The following EYS variants were observed in gnomAD, a reference collection of about 807,000 sequenced individuals.
The protein encoded by EYS is protein eyes shut homolog.
In EYS, 250 loss-of-function variants were observed where a neutral mutation model predicts 282.1. The ratio of observed to expected loss-of-function variants is 0.89; its 90% CI spans 0.80 to 0.98. EYS has a LOEUF of 0.98. Among genes scored for constraint, EYS ranks in the 50% least tolerant of loss-of-function variants. The probability of loss-of-function intolerance (pLI) is 0.00; values close to 1 mark genes in which losing one functional copy is unlikely to be tolerated. For synonymous variants in EYS, 1,355 were observed against 1,282.9 expected (o/e 1.06, Z -1.20); for missense variants, 4,016 against 3,709.0 (o/e 1.08, Z -2.15).
At chr6:63,772,854 T>TTG (rs1192277271) in intron 40 of EYS, among the ~76,000 whole-genome samples, 2 of 152,092 alleles carry the variant, frequency 1.3e-5, no homozygotes, top group African/African-American at 2.4e-5. Flanking sequence ...TATTTATAAA[T>TTG]TGTGTGTGTG....
rs539373397 is a variant in EYS, at chr6:65,198,726, T to C, written c.2023+97137A>G. 5.3e-5 allele frequency among the ~76,000 whole-genome samples: 8 copies of C among 152,244 alleles called. 1 individual carries two copies. In the South Asian group the frequency reaches 1.2e-3, roughly 24 times the overall value. ...CTACTCTTTGAAAAATGTATTTTCATGGAAGTGAGTAGCAAGAATGACATT... is the reference window on the plus strand; with the variant it reads ...CTACTCTTTGAAAAATGTATTTTCACGGAAGTGAGTAGCAAGAATGACATT... On this transcript the variant is annotated intron_variant, in intron 12 of 42. Coordinates refer to ENST00000503581, the MANE Select transcript of EYS (RefSeq NM_001142800.2).
At chr6:64,568,207 A>G (rs1197626619) in intron 26 of EYS, among the ~76,000 whole-genome samples, 1 of 152,194 alleles carries the variant, frequency 6.6e-6, no homozygotes, top group Non-Finnish European at 1.5e-5. Flanking sequence ...ACCACCAGAA[A>G]AGAACAGACC....
chr6:63,908,257 A>G (rs1562090710), intron 35 of EYS, among the ~76,000 whole-genome samples: 1 of 151,304 alleles, frequency 6.6e-6, no homozygotes, highest in African/African-American at 2.4e-5. Context: ...TTAAAACCAC[A>G]CGAGATACCA....
chr6:63,739,578 G>A (rs1769019884), intron 41 of EYS, among the ~76,000 whole-genome samples: 1 of 152,128 alleles, frequency 6.6e-6, no homozygotes, highest in African/African-American at 2.4e-5. Flanking sequence ...GAGGAAGTGA[G>A]TACCTCCATT....
At chr6:63,951,492 A>G (rs1262431132) in intron 35 of EYS, among the ~76,000 whole-genome samples, 1 of 151,908 alleles carries the variant, frequency 6.6e-6, no homozygotes, top group African/African-American at 2.4e-5. Flanking sequence ...CTGAACCCCA[A>G]GCATCACTGA....
chr6:65,629,581 CCT>C (rs1024252766), intron 2 of EYS, among the ~76,000 whole-genome samples: 18 of 152,264 alleles, frequency 1.2e-4, no homozygotes, highest in African/African-American at 4.3e-4. Flanking sequence ...TCTTCTTCTC[CCT>C]GTCTCATGAC....
chr6:63,735,845 T>C (rs1768898587), intron 41 of EYS, among the ~76,000 whole-genome samples: 1 of 152,178 alleles, frequency 6.6e-6, no homozygotes, highest in Non-Finnish European at 1.5e-5. Context: ...CTGTTTTCCA[T>C]ATTCTTGACA....
At chr6:64,692,156 A>T (rs1164399310) in intron 22 of EYS, among the ~76,000 whole-genome samples, 1 of 152,180 alleles carries the variant, frequency 6.6e-6, no homozygotes, top group Non-Finnish European at 1.5e-5. Flanking sequence ...TAGCCTCACT[A>T]GCATCTGTTG....
At chr6:64,292,095 C>A (rs910191414) in intron 30 of EYS, among the ~76,000 whole-genome samples, 8 of 152,130 alleles carry the variant, frequency 5.3e-5, no homozygotes, top group African/African-American at 1.9e-4. Context: ...GTAAGCAACA[C>A]AGCTGAACTT....
At chr6:65,172,470 G>A (rs1765126709) in intron 12 of EYS, among the ~76,000 whole-genome samples, 1 of 151,264 alleles carries the variant, frequency 6.6e-6, no homozygotes, top group Admixed American at 6.6e-5. Flanking sequence ...TTCCTGAAGA[G>A]GGAAAGATAA....
At chr6:64,332,254 G>A (rs1414170574) in intron 29 of EYS, among the ~76,000 whole-genome samples, 6 of 152,100 alleles carry the variant, frequency 3.9e-5, no homozygotes, top group African/African-American at 4.8e-5. Flanking sequence ...GATAGTGTTC[G>A]GCTGACCACC....
At chr6:64,775,809 G>A (rs996071366) in intron 22 of EYS, among the ~76,000 whole-genome samples, 1 of 151,998 alleles carries the variant, frequency 6.6e-6, no homozygotes, top group African/African-American at 2.4e-5. Flanking sequence ...ATGTAGAAAA[G>A]GGGATAAACA....
intron 12 of EYS, among the ~76,000 whole-genome samples, chr6:65,289,668 T>C (rs1452822163): frequency 6.6e-6 from 1 of 151,188 alleles, no homozygotes; most frequent in Non-Finnish European, 1.5e-5. Flanking sequence ...AGATGAGTCA[T>C]AGGAATCCAA....
chr6:64,778,717 C>G (rs946723587), intron 22 of EYS, among the ~76,000 whole-genome samples: 3 of 152,076 alleles, frequency 2.0e-5, no homozygotes, highest in Non-Finnish European at 4.4e-5. Flanking sequence ...AAAACTACAT[C>G]ACAAGCAAAA....
intron 36 of EYS, among the ~76,000 whole-genome samples, chr6:63,840,495 C>G (rs1771928222): frequency 6.6e-6 from 1 of 151,968 alleles, no homozygotes; most frequent in Non-Finnish European, 1.5e-5. Context: ...CGTCATTTCA[C>G]TCTGTTGATT....
rs373710544 is a variant in EYS at position 63,849,559 on chromosome 6, C to T, written c.7228+14627G>A. Among the ~76,000 whole-genome samples the T allele has an allele frequency of 3.9e-5, 6 of 152,172 alleles. No homozygotes were observed. In the South Asian group the frequency reaches 6.2e-4, roughly 16 times the overall value. ...TGTCAGGAGTGGACCTCCAGCAAAC[C>T]GCAGCAGACCTGCAGAAGAGGGGCC... On this transcript the variant is annotated intron_variant, in intron 36 of 42. Coordinates refer to ENST00000503581, the MANE Select transcript of EYS (RefSeq NM_001142800.2).
chr6:64,537,509 T>A (rs376577495), intron 26 of EYS, among the ~76,000 whole-genome samples: 23 of 152,246 alleles, frequency 1.5e-4, no homozygotes, highest in African/African-American at 5.3e-4. Context: ...ATTTTGTTGA[T>A]TCCTATTTCT....
chr6:65,176,535 A>G (rs531493502), intron 12 of EYS, among the ~76,000 whole-genome samples: 2 of 151,682 alleles, frequency 1.3e-5, no homozygotes, highest in Non-Finnish European at 3.0e-5. Flanking sequence ...ATATTGAAAT[A>G]ATAACTTTCT....
chr6:65,232,891 A>C (rs1234970874), intron 12 of EYS, among the ~76,000 whole-genome samples: 1 of 152,160 alleles, frequency 6.6e-6, no homozygotes, highest in African/African-American at 2.4e-5. Flanking sequence ...ATATAAATGG[A>C]ATATTATAGA....
Sources: allele counts gnomAD v4.1 joint callset (sites outside exome capture counted in the v4.1 genomes callset), GRCh38; gene constraint gnomAD v4.1.1; transcripts MANE v1.5; gene names NCBI Gene and HGNC (gene_info 2026-07-23, HGNC 2026-07-21).